ABCB1: variants seen among roughly 807,000 people sequenced by gnomAD.
The protein encoded by ABCB1 is ATP binding cassette subfamily B member 1, also known as ATP-dependent translocase ABCB1.
ABCB1 carries 69 observed loss-of-function variants against 142.0 expected under a neutral mutation model. The ratio of observed to expected loss-of-function variants is 0.49; its 90% CI spans 0.40 to 0.59. The LOEUF is 0.59. Among genes scored for constraint, ABCB1 ranks in the 20% least tolerant of loss-of-function variants. The pLI, the probability that ABCB1 is intolerant of heterozygous loss-of-function variation, is 0.00. For synonymous variants in ABCB1, 532 were observed against 539.2 expected (o/e 0.99, Z 0.18); for missense variants, 1,326 against 1,554.7 (o/e 0.85, Z 2.47).
At chr7:87,573,532 T>C (rs1196031490) in intron 4 of ABCB1, among the ~76,000 whole-genome samples, 3 of 152,216 alleles carry the variant, frequency 2.0e-5, no homozygotes, top group Non-Finnish European at 4.4e-5. Flanking sequence ...ACAAGACTAC[T>C]GTAACTAATC....
chr7:87,702,737 A>C (rs1240408335), intron 1 of ABCB1, among the ~76,000 whole-genome samples: 1 of 152,208 alleles, frequency 6.6e-6, no homozygotes, highest in African/African-American at 2.4e-5. Flanking sequence ...CGAACATCCC[A>C]AAACTGAAAA....
At chr7:87,652,621 G>GATATATAT (rs373344881) in intron 1 of ABCB1, among the ~76,000 whole-genome samples, 2,841 of 125,282 alleles carry the variant, frequency 0.023, 47 homozygotes, top group Middle Eastern at 0.031. Flanking sequence ...TGTGGTCACT[G>GATATATAT]ATATATATAT....
chr7:87,624,930 G>GT (rs1820353367), intron 1 of ABCB1, among the ~76,000 whole-genome samples: 1 of 152,190 alleles, frequency 6.6e-6, no homozygotes. Context: ...GTACTAACAT[G>GT]TCAACTAAAT....
chr7:87,627,758 C>T (rs941864370), intron 1 of ABCB1: 2 of 152,282 alleles, frequency 1.3e-5, no homozygotes, highest in African/African-American at 4.8e-5. Context: ...CTCCCGATTC[C>T]GGAGTCACGG....
chr7:87,686,491 T>A, intron 1 of ABCB1, among the ~76,000 whole-genome samples: 1 of 152,188 alleles, frequency 6.6e-6, no homozygotes, highest in East Asian at 1.9e-4. Flanking sequence ...TGACTTTGAT[T>A]ATTTATGGAC....
intron 1 of ABCB1, chr7:87,628,423 G>C (rs879765641): frequency 6.2e-6 from 1 of 162,188 alleles, no homozygotes; most frequent in South Asian, 2.0e-4. Context: ...GCTGGGGCAC[G>C]AGTGGCTGCG....
chr7:87,611,504 T>C (rs1393021912), intron 1 of ABCB1, among the ~76,000 whole-genome samples: 1 of 152,160 alleles, frequency 6.6e-6, no homozygotes, highest in Non-Finnish European at 1.5e-5. Flanking sequence ...TTAATTTGCT[T>C]AGGATAATGG....
intron 1 of ABCB1, among the ~76,000 whole-genome samples, chr7:87,625,767 G>A (rs182235714): frequency 1.5e-3 from 233 of 152,166 alleles, no homozygotes; most frequent in Non-Finnish European, 2.7e-3. Context: ...TGTCACAGGA[G>A]AGCAGACACG....
intron 3 of ABCB1, among the ~76,000 whole-genome samples, chr7:87,592,482 C>A (rs4728707): frequency 0.033 from 5,071 of 152,146 alleles, 232 homozygotes; most frequent in African/African-American, 0.11. Flanking sequence ...GGATACTGAG[C>A]CAGGTGGCGT....
chr7:87,558,730 C>T (rs902760295), intron 8 of ABCB1, among the ~76,000 whole-genome samples: 8 of 151,764 alleles, frequency 5.3e-5, no homozygotes, highest in South Asian at 2.1e-4. Context: ...ATGTTTCCTG[C>T]GGGTCTCTAA....
chr7:87,693,744 A>C (rs2130657810), intron 1 of ABCB1, among the ~76,000 whole-genome samples: 1 of 152,330 alleles, frequency 6.6e-6, no homozygotes, highest in Admixed American at 6.5e-5. Context: ...AGTGTAGCTC[A>C]TATTTATCTT....
intron 8 of ABCB1, among the ~76,000 whole-genome samples, chr7:87,557,449 C>T (rs937636765): frequency 3.3e-5 from 5 of 152,316 alleles, no homozygotes; most frequent in Admixed American, 6.5e-5. Flanking sequence ...TGTAGTCTTA[C>T]GTCAATTCTT....
intron 8 of ABCB1, among the ~76,000 whole-genome samples, chr7:87,558,737 C>G (rs1056736270): frequency 1.3e-5 from 2 of 151,882 alleles, no homozygotes; most frequent in Non-Finnish European, 2.9e-5. Flanking sequence ...CTGCGGGTCT[C>G]TAATATATTA....
intron 17 of ABCB1, among the ~76,000 whole-genome samples, chr7:87,542,486 C>T (rs1419871221): frequency 6.6e-6 from 1 of 152,112 alleles, no homozygotes; most frequent in Non-Finnish European, 1.5e-5. Context: ...GATGCAGAGC[C>T]CACTATCTTC....
intron 1 of ABCB1, among the ~76,000 whole-genome samples, chr7:87,626,246 A>ATGTCATATATATGTGTCATATATG (rs1820500567): frequency 8.0e-4 from 10 of 12,532 alleles, no homozygotes; most frequent in African/African-American, 1.6e-3. Flanking sequence ...TGTCATATAT[A>ATGTCATATATATGTGTCATATATG]TGTCATATAT....
In ABCB1 at chr7:87,626,748, A is replaced by ATGTCTCATATATATG. The variant is rs1563081964; in HGVS notation, c.-330-25671_-330-25670insCATATATATGAGACA. Among the ~76,000 whole-genome samples, 13 of 24,328 alleles carry ATGTCTCATATATATG rather than the reference A, an allele frequency of 5.3e-4. 3 individuals carry two copies. Among genetic ancestry groups the ATGTCTCATATATATG allele is most frequent in the African/African-American group, 2.3e-3 (11 of 4,836 alleles). The allele number at this position is 24,328 out of a possible 152,430, so 16.0% of individuals were successfully genotyped here. A position where few individuals can be genotyped will look rare whatever the true frequency, so the allele number is the denominator to read the frequency against. ...TGTGTCATATATATGTGTCATATAT[A>ATGTCTCATATATATG]TGTCATATATATGTCATATATATGT... is the stretch of plus-strand genomic sequence containing the variant. On this transcript the variant is annotated intron_variant, in intron 1 of 28. Coordinates refer to the ABCB1 transcript ENST00000265724.
chr7:87,586,406 A>G (rs1458060472), intron 3 of ABCB1, among the ~76,000 whole-genome samples: 3 of 152,200 alleles, frequency 2.0e-5, no homozygotes, highest in Non-Finnish European at 4.4e-5. Context: ...CCCCTTGGGA[A>G]GTGATTAATA....
intron 1 of ABCB1, among the ~76,000 whole-genome samples, chr7:87,695,499 G>C (rs1286696334): frequency 6.6e-6 from 1 of 152,016 alleles, no homozygotes; most frequent in African/African-American, 2.4e-5. Flanking sequence ...CATCAGAGTG[G>C]TTTATTAAAA....
chr7:87,710,477 G>T, intron 1 of ABCB1: 1 of 680,494 alleles, frequency 1.5e-6, no homozygotes, highest in Non-Finnish European at 2.5e-6. Context: ...ATTTTGAATG[G>T]CTGTTCTTTA....
Sources: gnomAD v4.1 joint callset for allele counts (sites outside exome capture counted in the v4.1 genomes callset) on GRCh38, gnomAD v4.1.1 for gene constraint, MANE v1.5 for transcripts, NCBI Gene and HGNC (gene_info 2026-07-23, HGNC 2026-07-21) for gene names.